The following TBP variants were observed in gnomAD, a reference collection of about 807,000 sequenced individuals.
TBP encodes TATA-box-binding protein.
Under a neutral mutation model 46.2 loss-of-function variants are expected in TBP, and 12 were observed. The ratio of observed to expected loss-of-function variants is 0.26; its 90% CI spans 0.17 to 0.42. The LOEUF (loss-of-function observed/expected upper bound fraction) is 0.42, where lower values mean the gene tolerates loss of function less well. Ranked by LOEUF, TBP falls within the 10% of genes least tolerant of loss-of-function variation. TBP has a pLI of 1.00. For missense variants in TBP, 229 were observed against 403.1 expected (o/e 0.57, Z 3.70); for synonymous variants, 157 against 148.3 (o/e 1.06, Z -0.42).
intron 2 of TBP, among the ~76,000 whole-genome samples, chr6:170,557,735 C>CAAAAAAAAA (rs35269766): frequency 3.8e-5 from 2 of 51,982 alleles, no homozygotes; most frequent in East Asian, 5.6e-4. Flanking sequence ...GACTCTGTCT[C>CAAAAAAAAA]AAAAAAAAAA....
chr6:170,555,879 ATCC>A (rs2114988055), intron 1 of TBP, among the ~76,000 whole-genome samples: 2 of 152,320 alleles, frequency 1.3e-5, no homozygotes, highest in South Asian at 4.1e-4. Flanking sequence ...CAAGGACTAT[ATCC>A]TCCTATCTTT....
rs765935074 is a variant in TBP at position 170,562,198 on chromosome 6, A to G, written c.462A>G (p.Pro154=). The change falls in exon 3 of 8, where the codon CCA becomes CCG. Residue 154 remains proline (P), a synonymous_variant. Coordinates refer to ENST00000392092, the MANE Select transcript of TBP (RefSeq NM_003194.5). ...TGACCCCCATCACTCCTGCCACGCC[A>G]GCTTCGGAGAGTTCTGGGATTGTAC... ...TPMTPITPAT[P]ASESSGIVPQ... is the part of the protein sequence containing the mutation. 4 of 1,614,130 alleles carry G rather than the reference A, an allele frequency of 2.5e-6. No homozygotes were observed. In the East Asian group the frequency reaches 8.9e-5, roughly 36 times the overall value.
At chr6:170,568,815 C>CTTTTTTTT (rs377394208) in intron 5 of TBP, among the ~76,000 whole-genome samples, 1,180 of 62,590 alleles carry the variant, frequency 0.019, 331 homozygotes, top group African/African-American at 0.034. Flanking sequence ...CTTTCCTTTT[C>CTTTTTTTT]TTTTTTTTTT....
At chr6:170,571,269 A>G (rs184660047) in intron 6 of TBP, 141 bp from the exon 7 acceptor site, 66 of 635,722 alleles carry the variant, frequency 1.0e-4, no homozygotes, top group African/African-American at 1.5e-4. Flanking sequence ...ATTCTATTCT[A>G]TCCTTTGATG....
At chr6:170,560,637 T>G (rs990543343) in intron 2 of TBP, among the ~76,000 whole-genome samples, 1 of 152,202 alleles carries the variant, frequency 6.6e-6, no homozygotes, top group East Asian at 1.9e-4. Context: ...AATAAGAGTT[T>G]GGAAGAGGTT....
chr6:170,562,074 GAACCTCAGGCCAGGC>G lies in TBP; in HGVS notation c.340_354del (p.Thr114_Ala118del). ...TCAACGTCCCAGCAGGCAACACAGG[GAACCTCAGGCCAGGC>G]ACCACAGCTCTTCCACTCACAGACT... On this transcript the variant is annotated inframe_deletion, in exon 3 of 8. Coordinates refer to ENST00000392092, the MANE Select transcript of TBP (RefSeq NM_003194.5). 6.2e-7 allele frequency: 1 copy of G among 1,613,960 alleles called. No individual in the cohort carries two copies. The highest frequency in any genetic ancestry group is 1.3e-5 in the African/African-American group (1 of 74,940).
In TBP at chr6:170,561,488, T is replaced by G. The variant is rs6928833; in HGVS notation, c.55-303T>G. Among the ~76,000 whole-genome samples, 83,787 of 151,964 alleles carry G rather than the reference T, an allele frequency of 0.55. 23,617 individuals carry two copies. Among genetic ancestry groups the G allele is most frequent in the East Asian group, 0.79 (4,065 of 5,168 alleles). On this transcript the variant is annotated intron_variant, in intron 2 of 7. Coordinates refer to ENST00000392092, the MANE Select transcript of TBP (RefSeq NM_003194.5). The stretch of plus-strand genomic sequence containing the variant: ...CCTTTCTCAGATGTATGTATTATAG[T>G]TATTTTTTTCCCAGTCTGGCCTGCC...
intron 4 of TBP, among the ~76,000 whole-genome samples, chr6:170,565,866 A>T (rs1779234989): frequency 6.6e-6 from 1 of 152,176 alleles, no homozygotes; most frequent in Non-Finnish European, 1.5e-5. Flanking sequence ...TGAGGCCAAC[A>T]GTTCAAGACG....
intron 1 of TBP, among the ~76,000 whole-genome samples, chr6:170,556,340 A>T (rs189718037): frequency 6.8e-6 from 1 of 148,094 alleles, no homozygotes; most frequent in East Asian, 2.0e-4. Flanking sequence ...ATTTATAAAA[A>T]TTCAGGGCTT....
At chr6:170,571,326 G>C in intron 6 of TBP, 84 bp from the exon 7 acceptor site, 1 of 885,218 alleles carries the variant, frequency 1.1e-6, no homozygotes, top group Non-Finnish European at 1.8e-6. Context: ...TGTTTATTCA[G>C]TATTTTTCCT....
At chr6:170,571,754 G>A (rs920041589) in intron 7 of TBP, among the ~76,000 whole-genome samples, 6 of 152,022 alleles carry the variant, frequency 3.9e-5, no homozygotes, top group Admixed American at 2.6e-4. Context: ...AAAAGATGGC[G>A]TTTTCACTTG....
intron 7 of TBP, 50 bp from the exon 8 acceptor site, chr6:170,572,136 T>C (rs1554246991): frequency 7.1e-7 from 1 of 1,405,014 alleles, no homozygotes. Flanking sequence ...CTTAATATGT[T>C]AAGAAGTGCC....
rs574356279 is a variant in TBP at position 170,558,796 on chromosome 6, C to T, written c.54+1713C>T. 9.9e-5 allele frequency among the ~76,000 whole-genome samples: 15 copies of T among 151,214 alleles called. No homozygotes were observed. The South Asian group carries it at 1.2e-3, about 13-fold the overall frequency. The stretch of plus-strand genomic sequence containing the variant: ...GCAAACTCCATCTCCCGTGTTCAAG[C>T]GATTCTCCTGCCTCAGCCTCCCAAG... On this transcript the variant is annotated intron_variant, in intron 2 of 7. Coordinates refer to ENST00000392092, the MANE Select transcript of TBP (RefSeq NM_003194.5).
chr6:170,559,380 T>A (rs189829478), intron 2 of TBP, among the ~76,000 whole-genome samples: 2 of 152,240 alleles, frequency 1.3e-5, no homozygotes, highest in Admixed American at 1.3e-4. Context: ...GAAAAGTTCT[T>A]AAAGGAAATT....
At chr6:170,558,016 C>T (rs1779063915) in intron 2 of TBP, among the ~76,000 whole-genome samples, 1 of 152,112 alleles carries the variant, frequency 6.6e-6, no homozygotes, top group South Asian at 2.1e-4. Flanking sequence ...GACTTCTTAG[C>T]CCAGTGTACT....
rs377236869 is a variant in TBP, at chr6:170,556,982, G to A, written c.-48G>A. ...CTAGGAAAAAATTGAATAGTGAGAC[G>A]AGTTCCAGCGCAAGGGTTTCTGGTT... On this transcript the variant is annotated 5_prime_UTR_variant, in exon 2 of 8. Transcript: ENST00000392092. The A allele has an allele frequency of 4.1e-5, 66 of 1,594,366 alleles. No individual in the cohort carries two copies. Among genetic ancestry groups the A allele is most frequent in the Middle Eastern group, 1.7e-4 (1 of 6,020 alleles).
intron 5 of TBP, 64 bp from the exon 6 acceptor site, chr6:170,569,548 T>C (rs1301193746): frequency 1.7e-5 from 25 of 1,450,484 alleles, no homozygotes; most frequent in East Asian, 2.3e-5. Context: ...TTATAAGTTA[T>C]TAGTCTAAAT....
rs1779338100 is a variant in TBP, at chr6:170,569,799, T to C, written c.845+20T>C. On this transcript the variant is annotated intron_variant, in intron 6 of 7. Transcript: ENST00000392092. ...TAGTAGGTAAGTCTGAAATGTATTA[T>C]GATTGTTATTGGCAACAGTTCATTT... 1.9e-6 allele frequency: 3 copies of C among 1,597,368 alleles called. No homozygotes were observed. Among genetic ancestry groups the C allele is most frequent in the Non-Finnish European group, 2.6e-6 (3 of 1,171,978 alleles).
At chr6:170,563,388 C>T (rs1171883646) in intron 3 of TBP, among the ~76,000 whole-genome samples, 3 of 152,150 alleles carry the variant, frequency 2.0e-5, no homozygotes, top group Non-Finnish European at 4.4e-5. Context: ...GTTCAGTGCC[C>T]TCTCCATCTT....
Sources: allele counts gnomAD v4.1 joint callset (sites outside exome capture counted in the v4.1 genomes callset), GRCh38; gene constraint gnomAD v4.1.1; transcripts MANE v1.5; gene names NCBI Gene and HGNC (gene_info 2026-07-23, HGNC 2026-07-21).